CTNND2: variants seen among roughly 807,000 people sequenced by gnomAD.
The protein encoded by CTNND2 is catenin delta 2.
In CTNND2, 22 loss-of-function variants were observed where a neutral mutation model predicts 144.4. That is an observed-to-expected ratio of 0.15 (90% CI 0.11 to 0.22). The LOEUF is 0.22. Among genes scored for constraint, CTNND2 ranks in the 10% least tolerant of loss-of-function variants. The pLI is 1.00. For missense variants in CTNND2, 1,353 were observed against 1,618.8 expected (o/e 0.84, Z 2.82); for synonymous variants, 751 against 695.6 (o/e 1.08, Z -1.25).
chr5:11,573,894 A>G (rs1436662981), intron 2 of CTNND2, among the ~76,000 whole-genome samples: 2 of 152,194 alleles, frequency 1.3e-5, no homozygotes, highest in Admixed American at 1.3e-4. Flanking sequence ...TTAGCCAAAT[A>G]AAGCATGTTT....
intron 3 of CTNND2, among the ~76,000 whole-genome samples, chr5:11,419,520 T>G (rs1445651403): frequency 6.6e-6 from 1 of 152,236 alleles, no homozygotes; most frequent in Non-Finnish European, 1.5e-5. Flanking sequence ...GTGAGACAAC[T>G]GACAGTGTCA....
chr5:11,025,337 C>T (rs1194741317), intron 16 of CTNND2, among the ~76,000 whole-genome samples: 1 of 151,396 alleles, frequency 6.6e-6, no homozygotes, highest in African/African-American at 2.4e-5. Context: ...AATTTAAATC[C>T]TATCTTCACA....
chr5:11,140,001 A>G (rs1269210718), intron 12 of CTNND2, among the ~76,000 whole-genome samples: 1 of 152,206 alleles, frequency 6.6e-6, no homozygotes, highest in Non-Finnish European at 1.5e-5. Context: ...TTTCACATGT[A>G]AGAATCCTTG....
chr5:11,441,444 T>C (rs575750142), intron 3 of CTNND2, among the ~76,000 whole-genome samples: 3 of 150,382 alleles, frequency 2.0e-5, no homozygotes, highest in Non-Finnish European at 4.4e-5. Context: ...AGTGGCATGA[T>C]CTTTGCTCAC....
At chr5:11,901,111 T>C (rs1582092726) in intron 1 of CTNND2, among the ~76,000 whole-genome samples, 2 of 152,194 alleles carry the variant, frequency 1.3e-5, no homozygotes, top group Admixed American at 1.3e-4. Flanking sequence ...CCATACATAG[T>C]GTACTGACCC....
intron 3 of CTNND2, among the ~76,000 whole-genome samples, chr5:11,522,761 T>C (rs1772857674): frequency 6.6e-6 from 1 of 152,170 alleles, no homozygotes; most frequent in Non-Finnish European, 1.5e-5. Context: ...TCAGGACCAA[T>C]TAAGCCAAGT....
intron 3 of CTNND2, among the ~76,000 whole-genome samples, chr5:11,505,883 T>C (rs960332680): frequency 6.6e-6 from 1 of 152,176 alleles, no homozygotes; most frequent in African/African-American, 2.4e-5. Flanking sequence ...CATTTTTCTA[T>C]GGTTCCTGTG....
intron 1 of CTNND2, among the ~76,000 whole-genome samples, chr5:11,756,503 A>G (rs1222100309): frequency 6.6e-6 from 1 of 151,622 alleles, no homozygotes; most frequent in Non-Finnish European, 1.5e-5. Context: ...AACAATAAAA[A>G]CAACATATTG....
At chr5:11,261,036 T>G (rs1744807215) in intron 9 of CTNND2, among the ~76,000 whole-genome samples, 1 of 152,114 alleles carries the variant, frequency 6.6e-6, no homozygotes, top group East Asian at 1.9e-4. Context: ...GCATGCAGGT[T>G]GATCCCAGGC....
intron 10 of CTNND2, among the ~76,000 whole-genome samples, chr5:11,205,574 A>G (rs548429404): frequency 6.6e-6 from 1 of 152,202 alleles, no homozygotes; most frequent in African/African-American, 2.4e-5. Context: ...TTGCAAGGTT[A>G]TCAGTTTGTA....
At chr5:11,536,842 C>T (rs557278504) in intron 3 of CTNND2, among the ~76,000 whole-genome samples, 3 of 151,978 alleles carry the variant, frequency 2.0e-5, no homozygotes, top group African/African-American at 7.2e-5. Flanking sequence ...ATTTATGTAA[C>T]CAAACATCAT....
At chr5:11,336,677 CAT>C (rs1485962497) in intron 9 of CTNND2, among the ~76,000 whole-genome samples, 1 of 152,118 alleles carries the variant, frequency 6.6e-6, no homozygotes, top group African/African-American at 2.4e-5. Flanking sequence ...TGTTTATACA[CAT>C]GTGTACACAT....
chr5:10,990,231 C>G (rs79955041), intron 19 of CTNND2, among the ~76,000 whole-genome samples: 5,422 of 152,318 alleles, frequency 0.036, 144 homozygotes, highest in Middle Eastern at 0.065. Context: ...GGGGAGAGGA[C>G]AAAGGCTGGG....
At chr5:11,261,458 A>G (rs1439095210) in intron 9 of CTNND2, among the ~76,000 whole-genome samples, 1 of 152,242 alleles carries the variant, frequency 6.6e-6, no homozygotes, top group Non-Finnish European at 1.5e-5. Context: ...GAGACTGACA[A>G]ATACCCAATT....
chr5:11,542,827 C>T (rs1774877800), intron 3 of CTNND2, among the ~76,000 whole-genome samples: 1 of 152,130 alleles, frequency 6.6e-6, no homozygotes, highest in African/African-American at 2.4e-5. Flanking sequence ...GTGGGTCCCC[C>T]AAAACCCACA....
intron 1 of CTNND2, among the ~76,000 whole-genome samples, chr5:11,764,420 C>A (rs1371118631): frequency 6.6e-6 from 1 of 152,142 alleles, no homozygotes; most frequent in East Asian, 1.9e-4. Flanking sequence ...GTGGGCATGT[C>A]TCTGAGTGGG....
intron 2 of CTNND2, among the ~76,000 whole-genome samples, chr5:11,578,820 C>A (rs1778178391): frequency 6.6e-6 from 1 of 152,126 alleles, no homozygotes; most frequent in African/African-American, 2.4e-5. Context: ...AGATAGCTGG[C>A]CCATTGGTAT....
intron 1 of CTNND2, among the ~76,000 whole-genome samples, chr5:11,784,935 C>T (rs1790748245): frequency 6.6e-6 from 1 of 152,206 alleles, no homozygotes; most frequent in African/African-American, 2.4e-5. Flanking sequence ...AGTTAACAGG[C>T]ATTGTTTTAA....
intron 3 of CTNND2, among the ~76,000 whole-genome samples, chr5:11,474,155 AC>A (rs1212327760): frequency 6.6e-6 from 1 of 151,952 alleles, no homozygotes. Flanking sequence ...TTTGCATTCC[AC>A]CCATGTGAGA....
Sources: gnomAD v4.1 joint callset for allele counts (sites outside exome capture counted in the v4.1 genomes callset) on GRCh38, gnomAD v4.1.1 for gene constraint, MANE v1.5 for transcripts, NCBI Gene and HGNC (gene_info 2026-07-23, HGNC 2026-07-21) for gene names.